Variants in DOCK1 observed in about 807,000 individuals in gnomAD.
The protein encoded by DOCK1 is dedicator of cytokinesis 1.
In DOCK1, 138 loss-of-function variants were observed where a neutral mutation model predicts 262.7. The ratio of observed to expected loss-of-function variants is 0.53; its 90% confidence interval spans 0.46 to 0.61. The LOEUF is 0.61. DOCK1 is among the 20% of genes least tolerant of loss of function. DOCK1 has a pLI of 0.00. For synonymous variants in DOCK1, 866 were observed against 867.4 expected, an observed-to-expected ratio of 1.00 and a Z score of 0.03; for missense variants, 1,908 against 2,370.7, an observed-to-expected ratio of 0.80 and a Z score of 4.05.
intron 27 of DOCK1, among the ~76,000 whole-genome samples, chr10:127,201,000 G>A (rs1292728487): frequency 3.3e-5 from 5 of 152,068 alleles, no homozygotes; most frequent in South Asian, 4.2e-4. Context: ...GGTTACACCC[G>A]TCAGTTCAGA....
intron 31 of DOCK1, among the ~76,000 whole-genome samples, chr10:127,349,266 G>C (rs2063775168): frequency 6.6e-6 from 1 of 151,974 alleles, no homozygotes; most frequent in Non-Finnish European, 1.5e-5. Flanking sequence ...ACCTCAGCCA[G>C]GTCCTGGCTG....
intron 1 of DOCK1, among the ~76,000 whole-genome samples, chr10:126,955,017 C>G (rs1430780299): frequency 1.3e-5 from 2 of 152,228 alleles, no homozygotes; most frequent in African/African-American, 4.8e-5. Context: ...ATTTTACATT[C>G]CTGTGACCAG....
chr10:127,328,269 TG>T (rs1393653479), intron 29 of DOCK1, among the ~76,000 whole-genome samples: 1 of 152,222 alleles, frequency 6.6e-6, no homozygotes, highest in Non-Finnish European at 1.5e-5. Context: ...CACTGGTGTA[TG>T]CTGAGCGTGA....
intron 29 of DOCK1, among the ~76,000 whole-genome samples, chr10:127,333,179 G>T (rs570498993): frequency 4.9e-4 from 75 of 152,176 alleles, no homozygotes; most frequent in African/African-American, 1.4e-3. Flanking sequence ...CATGCCCAAG[G>T]GATTTAAATG....
chr10:127,166,025 C>CA (rs1480686858), intron 27 of DOCK1, among the ~76,000 whole-genome samples: 1 of 152,110 alleles, frequency 6.6e-6, no homozygotes, highest in East Asian at 1.9e-4. Flanking sequence ...CTTGCATTAG[C>CA]AAAAAAATTA....
intron 1 of DOCK1, among the ~76,000 whole-genome samples, chr10:126,952,216 T>C (rs1409684466): frequency 2.6e-5 from 4 of 151,976 alleles, no homozygotes; most frequent in Non-Finnish European, 5.9e-5. Flanking sequence ...GGTGATACGG[T>C]AGTATTGTTA....
intron 23 of DOCK1, among the ~76,000 whole-genome samples, chr10:127,078,605 A>G (rs987878128): frequency 6.6e-6 from 1 of 152,224 alleles, no homozygotes; most frequent in Non-Finnish European, 1.5e-5. Flanking sequence ...GTATCTACCC[A>G]GAGGAAAAGA....
intron 29 of DOCK1, among the ~76,000 whole-genome samples, chr10:127,306,809 C>A (rs946999440): frequency 2.6e-5 from 4 of 152,004 alleles, no homozygotes; most frequent in African/African-American, 9.7e-5. Context: ...CAGTGGGGGC[C>A]ATTATAAAGG....
chr10:127,129,823 G>T (rs1271815904), intron 27 of DOCK1, among the ~76,000 whole-genome samples: 1 of 152,206 alleles, frequency 6.6e-6, no homozygotes, highest in Non-Finnish European at 1.5e-5. Flanking sequence ...GGTGGTGGCA[G>T]ATGAGGGAGA....
intron 27 of DOCK1, among the ~76,000 whole-genome samples, chr10:127,171,436 G>A (rs1320565552): frequency 3.3e-5 from 5 of 152,322 alleles, no homozygotes; most frequent in African/African-American, 7.2e-5. Flanking sequence ...CAAGGAGCAG[G>A]CCCATGACCC....
intron 27 of DOCK1, among the ~76,000 whole-genome samples, chr10:127,195,300 G>A (rs2057032419): frequency 6.6e-6 from 1 of 152,164 alleles, no homozygotes; most frequent in African/African-American, 2.4e-5. Flanking sequence ...CCAGCTCGCA[G>A]TCTCTTAGGT....
intron 27 of DOCK1, among the ~76,000 whole-genome samples, chr10:127,184,163 A>C (rs1305784317): frequency 3.3e-5 from 5 of 152,064 alleles, no homozygotes; most frequent in Non-Finnish European, 7.4e-5. Context: ...ACCCCAGCTG[A>C]GCTTGGAGCA....
At chr10:127,352,729 A>G (rs1218896869) in intron 31 of DOCK1, among the ~76,000 whole-genome samples, 1 of 152,100 alleles carries the variant, frequency 6.6e-6, no homozygotes, top group Non-Finnish European at 1.5e-5. Context: ...AGTAGCTGGG[A>G]TTACAGACAT....
intron 47 of DOCK1, among the ~76,000 whole-genome samples, chr10:127,428,046 A>T (rs539962115): frequency 1.3e-4 from 20 of 152,348 alleles, no homozygotes; most frequent in African/African-American, 4.6e-4. Context: ...TGCAAGTCAG[A>T]ATGCTAGAGT....
At chr10:127,261,447 A>ATGTG (rs1283904656) in intron 29 of DOCK1, among the ~76,000 whole-genome samples, 2 of 117,538 alleles carry the variant, frequency 1.7e-5, no homozygotes, top group African/African-American at 7.6e-5. Context: ...GTGTACCTGC[A>ATGTG]TGTGTGTGCG....
In DOCK1 at chr10:127,037,793, G is replaced by A. The variant is rs1337297926; in HGVS notation, c.1987G>A (p.Val663Ile). The change falls in exon 19 of 52, where the codon GTC becomes ATC. Residue 663 changes from valine to isoleucine, a missense_variant. Physicochemically the swap from Val to Ile is conservative, Grantham distance 29 (BLOSUM62 3). Coordinates refer to ENST00000623213, the MANE Select transcript of DOCK1 (RefSeq NM_001290223.2). ...LQQNLRQLMK[V>I]DGGEVVKFLQ... ...GCAGAACTTGAGGCAGCTGATGAAA[G>A]TCGATGGTGGTGAAGTAGTGAAGGT... 1 of 1,595,444 alleles carries A rather than the reference G, an allele frequency of 6.3e-7. No individual in the cohort carries two copies. Among genetic ancestry groups the A allele is most frequent in the Admixed American group, 1.7e-5 (1 of 57,628 alleles).
chr10:127,170,552 G>A (rs2054473374), intron 27 of DOCK1, among the ~76,000 whole-genome samples: 1 of 152,144 alleles, frequency 6.6e-6, no homozygotes, highest in Non-Finnish European at 1.5e-5. Flanking sequence ...TAAATGTTTG[G>A]CGTAGGAAAT....
intron 29 of DOCK1, among the ~76,000 whole-genome samples, chr10:127,309,526 C>G (rs2061989738): frequency 6.6e-6 from 1 of 152,130 alleles, no homozygotes; most frequent in Non-Finnish European, 1.5e-5. Flanking sequence ...TGCCTGTGTC[C>G]TGAGTGGTAT....
chr10:127,364,057 A>G (rs2064750951), intron 33 of DOCK1, among the ~76,000 whole-genome samples: 1 of 152,224 alleles, frequency 6.6e-6, no homozygotes, highest in African/African-American at 2.4e-5. Context: ...CTCTTCTCTC[A>G]AGGCCGGAAC....
Sources: allele counts gnomAD v4.1 joint callset (sites outside exome capture counted in the v4.1 genomes callset), GRCh38; gene constraint gnomAD v4.1.1; transcripts MANE v1.5; gene names NCBI Gene and HGNC (gene_info 2026-07-23, HGNC 2026-07-21).